The following STARD13 variants were observed in gnomAD, a reference collection of about 807,000 sequenced individuals.
The protein encoded by STARD13 is stAR-related lipid transfer protein 13.
In STARD13, 62 loss-of-function variants were observed where a neutral mutation model predicts 106.4. That is an observed-to-expected ratio of 0.58 (90% CI 0.48 to 0.72). The LOEUF is 0.72. Among genes scored for constraint, STARD13 ranks in the 30% least tolerant of loss-of-function variants. The pLI, the probability that STARD13 is intolerant of heterozygous loss-of-function variation, is 0.00. For missense variants in STARD13, 1,387 were observed against 1,424.0 expected (o/e 0.97, Z 0.42); for synonymous variants, 565 against 553.0 (o/e 1.02, Z -0.31).
the STARD13 span, among the ~76,000 whole-genome samples, chr13:33,389,464 C>A: frequency 6.6e-6 from 1 of 152,036 alleles, no homozygotes; most frequent in Admixed American, 6.6e-5. Flanking sequence ...GTGAGCTGGG[C>A]CAGGCCAGGT....
intron 4 of STARD13, among the ~76,000 whole-genome samples, chr13:33,133,823 G>A (rs1878684794): frequency 6.6e-6 from 1 of 152,130 alleles, no homozygotes; most frequent in African/African-American, 2.4e-5. Flanking sequence ...ACACATTGCA[G>A]TAGAGTTTAA....
the STARD13 span, among the ~76,000 whole-genome samples, chr13:33,607,506 C>T: frequency 6.6e-6 from 1 of 151,918 alleles, no homozygotes; most frequent in Non-Finnish European, 1.5e-5. Flanking sequence ...CTGTCTTAGC[C>T]AGGATGGTCT....
chr13:33,415,891 A>G, the STARD13 span, among the ~76,000 whole-genome samples: 3 of 152,374 alleles, frequency 2.0e-5, no homozygotes, highest in East Asian at 5.8e-4. Context: ...ATTAGCTCAC[A>G]TAACATTTTA....
chr13:33,442,662 G>A, the STARD13 span, among the ~76,000 whole-genome samples: 1 of 152,052 alleles, frequency 6.6e-6, no homozygotes, highest in Non-Finnish European at 1.5e-5. Flanking sequence ...AAAAATATTT[G>A]AAAAATATTA....
At chr13:33,185,990 G>C in intron 1 of STARD13, 1 of 1,614,158 alleles carries the variant, frequency 6.2e-7, no homozygotes, top group Non-Finnish European at 8.5e-7. Flanking sequence ...CCTGGTTAAC[G>C]TTTGCATGGA....
At chr13:33,526,998 G>C in the STARD13 span, among the ~76,000 whole-genome samples, 1 of 151,480 alleles carries the variant, frequency 6.6e-6, no homozygotes, top group Admixed American at 6.6e-5. Flanking sequence ...CAAAAGAAGA[G>C]AACTGTTTTG....
At chr13:33,597,775 A>C in the STARD13 span, among the ~76,000 whole-genome samples, 1 of 151,880 alleles carries the variant, frequency 6.6e-6, no homozygotes, top group Non-Finnish European at 1.5e-5. Flanking sequence ...AATCGTTTGA[A>C]TCTGGGAGGC....
chr13:33,143,120 T>C (rs1050443004), intron 3 of STARD13, among the ~76,000 whole-genome samples: 5 of 152,310 alleles, frequency 3.3e-5, no homozygotes, highest in Admixed American at 1.3e-4. Flanking sequence ...ATCTTGAACT[T>C]TCCAGCCTCC....
chr13:33,358,727 ACT>A, the STARD13 span, among the ~76,000 whole-genome samples: 2 of 151,070 alleles, frequency 1.3e-5, no homozygotes, highest in Admixed American at 6.6e-5. Flanking sequence ...ACCAATCGAC[ACT>A]CTGTATCTAG....
At chr13:33,475,179 C>T in the STARD13 span, among the ~76,000 whole-genome samples, 1 of 152,072 alleles carries the variant, frequency 6.6e-6, no homozygotes, top group African/African-American at 2.4e-5. Context: ...TGGTTTTCAT[C>T]TGTAAAATAC....
chr13:33,465,643 A>G, the STARD13 span, among the ~76,000 whole-genome samples: 1 of 152,096 alleles, frequency 6.6e-6, no homozygotes, highest in African/African-American at 2.4e-5. Context: ...TGTGATCCGA[A>G]CTCATATCAC....
At chr13:33,193,306 G>A (rs909528062) in intron 1 of STARD13, among the ~76,000 whole-genome samples, 4 of 152,180 alleles carry the variant, frequency 2.6e-5, no homozygotes, top group African/African-American at 9.7e-5. Context: ...GAAGGAGAAG[G>A]AAAAGTTGAA....
chr13:33,119,425 A>C (rs1187879994), intron 7 of STARD13, among the ~76,000 whole-genome samples: 1 of 152,136 alleles, frequency 6.6e-6, no homozygotes, highest in Non-Finnish European at 1.5e-5. Context: ...TACCTGGAGG[A>C]AAGCCTAATA....
intron 1 of STARD13, among the ~76,000 whole-genome samples, chr13:33,238,859 A>G (rs1889325997): frequency 6.6e-6 from 1 of 152,198 alleles, no homozygotes; most frequent in African/African-American, 2.4e-5. Context: ...AAAAAACACA[A>G]CATAAAATTT....
chr13:33,666,460 AT>A, the STARD13 span, among the ~76,000 whole-genome samples: 294 of 150,970 alleles, frequency 1.9e-3, 2 homozygotes, highest in African/African-American at 6.7e-3. Context: ...TGCCCGGCTA[AT>A]TTTTTTTGTA....
At chr13:33,476,195 A>G in the STARD13 span, among the ~76,000 whole-genome samples, 1 of 152,168 alleles carries the variant, frequency 6.6e-6, no homozygotes, top group Non-Finnish European at 1.5e-5. Flanking sequence ...AATTGTGTTT[A>G]CCATTATTAT....
intron 1 of STARD13, among the ~76,000 whole-genome samples, chr13:33,219,406 A>G (rs943751085): frequency 6.6e-6 from 1 of 150,674 alleles, no homozygotes; most frequent in Admixed American, 6.7e-5. Context: ...TGTGGATCCC[A>G]GTGCAAAATG....
At chr13:33,549,483 A>G in the STARD13 span, among the ~76,000 whole-genome samples, 1 of 152,194 alleles carries the variant, frequency 6.6e-6, no homozygotes, top group Non-Finnish European at 1.5e-5. Context: ...TTAAAATCTA[A>G]AAATCCATGT....
chr13:33,615,803 T>C, the STARD13 span, among the ~76,000 whole-genome samples: 1 of 152,240 alleles, frequency 6.6e-6, no homozygotes, highest in East Asian at 1.9e-4. Flanking sequence ...CAGTGTGGTT[T>C]GTGTTTAACC....
Sources: allele counts gnomAD v4.1 joint callset (sites outside exome capture counted in the v4.1 genomes callset), GRCh38; gene constraint gnomAD v4.1.1; transcripts MANE v1.5; gene names NCBI Gene and HGNC (gene_info 2026-07-23, HGNC 2026-07-21).